The following CSGALNACT2 variants were observed in gnomAD, a reference collection of about 807,000 sequenced individuals.
CSGALNACT2 encodes chondroitin sulfate N-acetylgalactosaminyltransferase 2.
A neutral mutation model predicts 55.3 loss-of-function variants in CSGALNACT2; 35 were observed. That is an observed-to-expected ratio of 0.63 (90% CI 0.48 to 0.84). CSGALNACT2 has a LOEUF of 0.84. CSGALNACT2 is among the 40% of genes least tolerant of loss of function. The pLI is 0.00. For synonymous variants in CSGALNACT2, 196 were observed against 224.9 expected, an observed-to-expected ratio of 0.87 and a Z score of 1.15; for missense variants, 544 against 657.5, an observed-to-expected ratio of 0.83 and a Z score of 1.89.
chr10:43,176,158 G>A (rs543364865), intron 7 of CSGALNACT2, 126 bp downstream of exon 7: 2 of 619,226 alleles, frequency 3.2e-6, no homozygotes, highest in African/African-American at 3.8e-5. Context: ...GCTAAAAAGA[G>A]AAACTGGATA....
At chr10:43,159,725 T>G (rs1839103510) in intron 3 of CSGALNACT2, among the ~76,000 whole-genome samples, 1 of 152,232 alleles carries the variant, frequency 6.6e-6, no homozygotes, top group South Asian at 2.1e-4. Flanking sequence ...TTGTATATTT[T>G]AAAATGCTGA....
chr10:43,146,368 C>T (rs1838747469), intron 1 of CSGALNACT2, among the ~76,000 whole-genome samples: 1 of 152,206 alleles, frequency 6.6e-6, no homozygotes, highest in African/African-American at 2.4e-5. Flanking sequence ...CCATAAGACT[C>T]AGCAAGTCAG....
In CSGALNACT2 at chr10:43,167,217, G is replaced by T. The variant is rs904978298; in HGVS notation, c.1254+119G>T. ...GTATTTCCATGAGCAAAGTGTTAAA[G>T]AAAAACTATAGTTATTGTAAGCACA... On this transcript the variant is annotated intron_variant, in intron 6 of 7. Coordinates refer to ENST00000374466, the MANE Select transcript of CSGALNACT2 (RefSeq NM_018590.5). 1.2e-5 allele frequency: 8 copies of T among 656,498 alleles called. No homozygotes were observed. The African/African-American group carries it at 1.3e-4, about 11-fold the overall frequency. The allele number at this position is 656,498 out of a possible 1,614,324, so 40.7% of individuals were successfully genotyped here. A position where few individuals can be genotyped will look rare whatever the true frequency, so the allele number is the denominator to read the frequency against.
At chr10:43,139,245 T>C (rs374839466) in intron 1 of CSGALNACT2, among the ~76,000 whole-genome samples, 4 of 152,356 alleles carry the variant, frequency 2.6e-5, no homozygotes, top group African/African-American at 9.6e-5. Flanking sequence ...CCTTCATGTC[T>C]GGTAATTAAT....
In CSGALNACT2 at chr10:43,176,024, T is replaced by TGACC; in HGVS notation, c.1329_1332dup (p.Ile445AspfsTer6). The TGACC allele has an allele frequency of 6.2e-7, 1 of 1,608,080 alleles. No individual in the cohort carries two copies. The highest frequency in any genetic ancestry group is 8.5e-7 in the Non-Finnish European group (1 of 1,177,720). ...ACTTGTCAGTATCGTTCAGATTTCC[T>TGACC]GACCATTGGTAAGTATACTTTACAT... On this transcript the variant is annotated frameshift_variant, in exon 7 of 8. Coordinates refer to ENST00000374466, the MANE Select transcript of CSGALNACT2 (RefSeq NM_018590.5). LOFTEE classifies it high-confidence loss of function.
chr10:43,143,493 A>ATTTGTG (rs144767187), intron 1 of CSGALNACT2, among the ~76,000 whole-genome samples: 1 of 141,874 alleles, frequency 7.0e-6, no homozygotes, highest in Non-Finnish European at 1.5e-5. Context: ...CTCTCCAAAA[A>ATTTGTG]TGTGTGTGTG....
rs753720826 is a variant in CSGALNACT2 at position 43,163,883 on chromosome 10, A to G, written c.998A>G (p.Asn333Ser). 13 of 1,613,570 alleles carry G rather than the reference A, an allele frequency of 8.1e-6. No homozygotes were observed. Among genetic ancestry groups the G allele is most frequent in the East Asian group, 2.2e-5 (1 of 44,874 alleles). Residue 333 changes from asparagine (N) to serine (S), a missense_variant, in exon 5 of 8, where the codon AAT becomes AGT. By Grantham distance (46) the Asn-to-Ser change is conservative. Transcript: ENST00000374466. ...CCTCATAGTGAGTCTAATTTTCACA[A>G]TTACACCTTGGTCTCATTGAATGAA... ...ESVTSESNFH[N>S]YTLVSLNEEF...
chr10:43,157,204 T>C (rs7921281), intron 2 of CSGALNACT2, among the ~76,000 whole-genome samples: 26,437 of 151,656 alleles, frequency 0.17, 2,536 homozygotes, highest in Admixed American at 0.25. Flanking sequence ...GCGGAGGAAA[T>C]AAGATAACTA....
At chr10:43,164,317 T>C (rs1302378278) in intron 5 of CSGALNACT2, among the ~76,000 whole-genome samples, 1 of 152,082 alleles carries the variant, frequency 6.6e-6, no homozygotes, top group Non-Finnish European at 1.5e-5. Context: ...ATCTACAAAT[T>C]GATGAGGTGG....
intron 6 of CSGALNACT2, among the ~76,000 whole-genome samples, chr10:43,169,184 G>A (rs758930441): frequency 2.6e-5 from 4 of 152,150 alleles, no homozygotes; most frequent in Admixed American, 6.5e-5. Context: ...CTGAGACCCT[G>A]TTCTAATCTC....
Position 43,184,278 on chromosome 10 carries a change from G to T in CSGALNACT2, c.*736G>T, listed in dbSNP as rs1193772911. 1 of 152,080 alleles carries T rather than the reference G, an allele frequency of 6.6e-6. No individual in the cohort carries two copies. The allele number at this position is 152,080 out of a possible 1,614,324, so 9.4% of individuals were successfully genotyped here. On this transcript the variant is annotated 3_prime_UTR_variant, in exon 8 of 8. Transcript: ENST00000374466. The stretch of plus-strand genomic sequence containing the variant: ...ATTTTGAACAAACAGAAAAGAACAC[G>T]GAAACATTTTTAACAGAGCATTTAA...
intron 3 of CSGALNACT2, among the ~76,000 whole-genome samples, chr10:43,159,357 G>T (rs1350787031): frequency 6.6e-6 from 1 of 150,964 alleles, no homozygotes; most frequent in Non-Finnish European, 1.5e-5. Flanking sequence ...AGAATGCAGT[G>T]GAGTGAGCAC....
intron 4 of CSGALNACT2, chr10:43,163,171 A>G (rs1010148838): frequency 1.0e-6 from 1 of 985,216 alleles, no homozygotes; most frequent in African/African-American, 1.7e-5. Context: ...ACCAAGGCAT[A>G]ACTCACGTTC....
At chr10:43,138,956 C>T (rs571475750) in intron 1 of CSGALNACT2, among the ~76,000 whole-genome samples, 1 of 152,130 alleles carries the variant, frequency 6.6e-6, no homozygotes, top group South Asian at 2.1e-4. Context: ...GATGCTCTGT[C>T]GTGGAGGGCT....
At chr10:43,159,381 C>T (rs1839095573) in intron 3 of CSGALNACT2, among the ~76,000 whole-genome samples, 1 of 152,030 alleles carries the variant, frequency 6.6e-6, no homozygotes, top group Middle Eastern at 3.2e-3. Context: ...TCACTGCAGC[C>T]TCAACCTCCT....
At chr10:43,160,241 A>G (rs185054539) in intron 3 of CSGALNACT2, among the ~76,000 whole-genome samples, 1 of 152,356 alleles carries the variant, frequency 6.6e-6, no homozygotes, top group African/African-American at 2.4e-5. Flanking sequence ...TCTGAAAGCA[A>G]TCCAAAAGCA....
chr10:43,142,773 A>C (rs1838657699), intron 1 of CSGALNACT2, among the ~76,000 whole-genome samples: 1 of 152,214 alleles, frequency 6.6e-6, no homozygotes, highest in Non-Finnish European at 1.5e-5. Flanking sequence ...GGCATTTCAA[A>C]CTAGTGACAA....
intron 1 of CSGALNACT2, among the ~76,000 whole-genome samples, chr10:43,140,534 ATTGT>A (rs1564506799): frequency 6.6e-6 from 1 of 152,180 alleles, no homozygotes; most frequent in Admixed American, 6.5e-5. Flanking sequence ...TCGGACTGTC[ATTGT>A]TTGTTTAACT....
intron 4 of CSGALNACT2, 137 bp downstream of exon 4, chr10:43,160,732 A>G (rs776764703): frequency 1.9e-5 from 12 of 627,744 alleles, no homozygotes; most frequent in Non-Finnish European, 3.1e-5. Context: ...GGTGGTGATG[A>G]TAAGTTCCTC....
Sources: gnomAD v4.1 joint callset for allele counts (sites outside exome capture counted in the v4.1 genomes callset) on GRCh38, gnomAD v4.1.1 for gene constraint, MANE v1.5 for transcripts, NCBI Gene and HGNC (gene_info 2026-07-23, HGNC 2026-07-21) for gene names.